LRRTM4: variants seen among roughly 807,000 people sequenced by gnomAD.
LRRTM4 encodes the protein leucine-rich repeat transmembrane neuronal protein 4.
LRRTM4 carries 25 observed loss-of-function variants against 47.6 expected under a neutral mutation model. The observed-to-expected ratio is 0.53, with a 90% CI of 0.38 to 0.73. LRRTM4 has a LOEUF of 0.73. LRRTM4 is among the 30% of genes least tolerant of loss of function. The pLI is 0.00. For missense variants in LRRTM4, 638 were observed against 713.4 expected, an observed-to-expected ratio of 0.89 and a Z score of 1.20; for synonymous variants, 311 against 269.5, an observed-to-expected ratio of 1.15 and a Z score of -1.51.
intron 3 of LRRTM4, among the ~76,000 whole-genome samples, chr2:77,457,025 TA>T (rs558119454): frequency 4.4e-5 from 1 of 22,916 alleles, no homozygotes; most frequent in Non-Finnish European, 9.8e-5. Flanking sequence ...TATATATATA[TA>T]TATATATATA....
intron 3 of LRRTM4, among the ~76,000 whole-genome samples, chr2:76,947,835 T>C (rs1487735367): frequency 6.6e-6 from 1 of 151,808 alleles, no homozygotes; most frequent in Non-Finnish European, 1.5e-5. Context: ...TTTGAGGGAA[T>C]AGGCACATTT....
At chr2:77,155,386 G>T (rs896587649) in intron 3 of LRRTM4, among the ~76,000 whole-genome samples, 1 of 151,534 alleles carries the variant, frequency 6.6e-6, no homozygotes, top group Admixed American at 6.6e-5. Flanking sequence ...TGAAATGATC[G>T]AAATATAAAG....
At chr2:77,337,713 C>T (rs1671217798) in intron 3 of LRRTM4, among the ~76,000 whole-genome samples, 1 of 152,096 alleles carries the variant, frequency 6.6e-6, no homozygotes, top group African/African-American at 2.4e-5. Context: ...GTCAATTAAA[C>T]CTCTTGCCTT....
In LRRTM4 at chr2:77,165,886, T is replaced by C. The variant is rs1165919575; in HGVS notation, c.1551+352432A>G. On this transcript the variant is annotated intron_variant, in intron 3 of 3. Coordinates refer to ENST00000409884, the MANE Select transcript of LRRTM4 (RefSeq NM_001134745.3). ...ATGGGCAAAAACTGGAAGCATTCCC[T>C]TTGAAAACTGGCCCAAGACAGGGAT... Among the ~76,000 whole-genome samples, 3 of 152,216 alleles carry C rather than the reference T, an allele frequency of 2.0e-5. No individual in the cohort carries two copies. In the East Asian group the frequency reaches 5.8e-4, roughly 29 times the overall value.
chr2:77,290,597 G>A (rs544742164), intron 3 of LRRTM4, among the ~76,000 whole-genome samples: 1 of 151,948 alleles, frequency 6.6e-6, no homozygotes, highest in South Asian at 2.1e-4. Flanking sequence ...TTGAGATGAT[G>A]GATATCCCAA....
At chr2:76,850,973 C>T (rs1041794176) in intron 3 of LRRTM4, among the ~76,000 whole-genome samples, 3 of 152,148 alleles carry the variant, frequency 2.0e-5, no homozygotes, top group African/African-American at 4.8e-5. Flanking sequence ...ACTAAGTCTA[C>T]ACATATTTAA....
At chr2:77,258,656 C>A (rs1052330769) in intron 3 of LRRTM4, among the ~76,000 whole-genome samples, 2 of 151,346 alleles carry the variant, frequency 1.3e-5, no homozygotes, top group Non-Finnish European at 2.9e-5. Context: ...AACTCGTAAA[C>A]CCTTTTTGTT....
intron 3 of LRRTM4, among the ~76,000 whole-genome samples, chr2:77,493,400 A>G (rs1426762515): frequency 3.3e-5 from 5 of 152,074 alleles, no homozygotes; most frequent in African/African-American, 1.2e-4. Context: ...AAACTTCTGG[A>G]AAGTAAAACC....
Position 77,137,270 on chromosome 2 carries a change from A to T in LRRTM4, c.1551+381048T>A, listed in dbSNP as rs2860945. Among the ~76,000 whole-genome samples the T allele has an allele frequency of 8.2e-4, 125 of 151,768 alleles. 2 individuals are homozygous for T. Among genetic ancestry groups the T allele is most frequent in the African/African-American group, 2.7e-3 (112 of 41,144 alleles). Reference sequence around the variant, plus strand: ...AACAGAAGCCCATCAGACTCACAGCAGATCTCTTGGCAGAAACTCTACAAG... The same window carrying T: ...AACAGAAGCCCATCAGACTCACAGCTGATCTCTTGGCAGAAACTCTACAAG... On this transcript the variant is annotated intron_variant, in intron 3 of 3. Coordinates refer to ENST00000409884, the MANE Select transcript of LRRTM4 (RefSeq NM_001134745.3).
chr2:76,910,720 C>G (rs887704437), intron 3 of LRRTM4, among the ~76,000 whole-genome samples: 3 of 152,146 alleles, frequency 2.0e-5, no homozygotes, highest in African/African-American at 7.2e-5. Flanking sequence ...GTCACTCATT[C>G]AGAAACACTC....
intron 3 of LRRTM4, among the ~76,000 whole-genome samples, chr2:77,227,382 T>A (rs994367048): frequency 1.3e-5 from 2 of 152,072 alleles, no homozygotes; most frequent in African/African-American, 4.8e-5. Flanking sequence ...TAATAAATGA[T>A]TCAATGTAAT....
At chr2:76,953,014 A>G (rs1031287517) in intron 3 of LRRTM4, among the ~76,000 whole-genome samples, 16 of 152,066 alleles carry the variant, frequency 1.1e-4, no homozygotes, top group African/African-American at 3.9e-4. Flanking sequence ...AGCAATAGAC[A>G]TTAGAGACTA....
chr2:77,030,131 A>C (rs924128958), intron 3 of LRRTM4, among the ~76,000 whole-genome samples: 1 of 152,166 alleles, frequency 6.6e-6, no homozygotes, highest in Non-Finnish European at 1.5e-5. Flanking sequence ...AACAAAAATG[A>C]AGTGATAAAA....
chr2:77,452,361 A>C (rs1676291044), intron 3 of LRRTM4, among the ~76,000 whole-genome samples: 1 of 152,178 alleles, frequency 6.6e-6, no homozygotes, highest in African/African-American at 2.4e-5. Flanking sequence ...GGATGCGGGG[A>C]GTAAAGGAAA....
chr2:77,336,288 A>G (rs1671166527), intron 3 of LRRTM4, among the ~76,000 whole-genome samples: 1 of 150,616 alleles, frequency 6.6e-6, no homozygotes, highest in African/African-American at 2.4e-5. Context: ...GAGAAAGGAA[A>G]CAAGGAAGGA....
intron 3 of LRRTM4, among the ~76,000 whole-genome samples, chr2:76,862,173 A>T (rs970474578): frequency 6.6e-6 from 1 of 152,142 alleles, no homozygotes; most frequent in Non-Finnish European, 1.5e-5. Context: ...TAAGGAAAAC[A>T]GAACTATCAT....
rs576837103 is a variant in LRRTM4, at chr2:77,054,749, C to T, written c.1552-305833G>A. On this transcript the variant is annotated intron_variant, in intron 3 of 3. Coordinates refer to ENST00000409884, the MANE Select transcript of LRRTM4 (RefSeq NM_001134745.3). Reference sequence around the variant, plus strand: ...AAGTAGGAATGGTACCACAGGCTGACCTCTGTTTTTAAAAGTAGAAACAAT... The same window carrying T: ...AAGTAGGAATGGTACCACAGGCTGATCTCTGTTTTTAAAAGTAGAAACAAT... 3.3e-5 allele frequency among the ~76,000 whole-genome samples: 5 copies of T among 152,242 alleles called. 1 individual carries two copies. In the South Asian group the frequency reaches 1.0e-3, roughly 32 times the overall value.
chr2:77,497,433 C>G (rs1678405682), intron 3 of LRRTM4, among the ~76,000 whole-genome samples: 2 of 151,132 alleles, frequency 1.3e-5, no homozygotes, highest in Non-Finnish European at 3.0e-5. Flanking sequence ...TAGGAATATA[C>G]TGATACAAAT....
intron 3 of LRRTM4, among the ~76,000 whole-genome samples, chr2:76,850,519 T>A (rs1245010066): frequency 6.6e-6 from 1 of 152,152 alleles, no homozygotes; most frequent in Non-Finnish European, 1.5e-5. Flanking sequence ...TAGTACATTA[T>A]CCCCTGTTAC....
Sources: allele counts gnomAD v4.1 joint callset (sites outside exome capture counted in the v4.1 genomes callset), GRCh38; gene constraint gnomAD v4.1.1; transcripts MANE v1.5; gene names NCBI Gene and HGNC (gene_info 2026-07-23, HGNC 2026-07-21).